LINGO2: variants seen among roughly 807,000 people sequenced by gnomAD.
LINGO2 encodes leucine rich repeat and Ig domain containing 2, also known as leucine-rich repeat and immunoglobulin-like domain-containing nogo receptor-interacting protein 2.
In LINGO2, 14 loss-of-function variants were observed where a neutral mutation model predicts 30.6. The ratio of observed to expected loss-of-function variants is 0.46; its 90% CI spans 0.30 to 0.72. LINGO2 has a LOEUF of 0.72. Ranked by LOEUF, LINGO2 falls within the 30% of genes least tolerant of loss-of-function variation. The pLI is 0.07. For missense variants in LINGO2, 729 were observed against 751.7 expected (o/e 0.97, Z 0.35); for synonymous variants, 317 against 288.5 (o/e 1.10, Z -1.00).
intron 4 of LINGO2, among the ~76,000 whole-genome samples, chr9:28,283,262 A>G (rs1268144991): frequency 1.3e-5 from 2 of 152,220 alleles, no homozygotes; most frequent in Admixed American, 1.3e-4. Context: ...GCCAAGAATT[A>G]TACACGAAGT....
chr9:28,994,894 T>C, the LINGO2 span, among the ~76,000 whole-genome samples: 4 of 152,260 alleles, frequency 2.6e-5, no homozygotes, highest in Middle Eastern at 3.4e-3. Flanking sequence ...ACTTAAACGT[T>C]AGACCTAAAA....
chr9:29,126,835 G>A, the LINGO2 span, among the ~76,000 whole-genome samples: 1 of 152,046 alleles, frequency 6.6e-6, no homozygotes, highest in African/African-American at 2.4e-5. Context: ...TGACTTCCTA[G>A]AACTGAATCA....
chr9:28,848,407 A>ATATATATATATATATATACTGTATATAG, the LINGO2 span, among the ~76,000 whole-genome samples: 1 of 113,462 alleles, frequency 8.8e-6, no homozygotes, highest in Non-Finnish European at 1.8e-5. Context: ...GTATATATAT[A>ATATATATATATATATATACTGTATATAG]TATATATATA....
chr9:28,304,485 C>A lies in LINGO2; in HGVS notation c.-245-9119G>T, dbSNP rs978195065. ...TAAGAAATCAGTATATCCCTGAAACCAACACTTAAATCAGGATATAGAATA... is the reference window on the plus strand; with the variant it reads ...TAAGAAATCAGTATATCCCTGAAACAAACACTTAAATCAGGATATAGAATA... On this transcript the variant is annotated intron_variant, in intron 3 of 5. Transcript: ENST00000379992. Among the ~76,000 whole-genome samples the A allele has an allele frequency of 1.1e-3, 172 of 151,764 alleles. 1 individual carries two copies. The highest frequency in any genetic ancestry group is 4.1e-3 in the African/African-American group (170 of 41,442).
intron 4 of LINGO2, among the ~76,000 whole-genome samples, chr9:28,119,395 G>A (rs1827028402): frequency 6.6e-6 from 1 of 152,152 alleles, no homozygotes; most frequent in African/African-American, 2.4e-5. Flanking sequence ...TAGAACCAGA[G>A]GGCATGGAAT....
chr9:28,887,547 C>A, the LINGO2 span, among the ~76,000 whole-genome samples: 1 of 151,876 alleles, frequency 6.6e-6, no homozygotes, highest in Non-Finnish European at 1.5e-5. Flanking sequence ...TATATGCCAC[C>A]TTATTGCATT....
chr9:29,065,355 T>C, the LINGO2 span, among the ~76,000 whole-genome samples: 142 of 152,290 alleles, frequency 9.3e-4, no homozygotes, highest in African/African-American at 3.2e-3. Flanking sequence ...AGGACCTATG[T>C]CCAGAATGGT....
the LINGO2 span, among the ~76,000 whole-genome samples, chr9:28,969,624 T>C: frequency 6.6e-6 from 1 of 152,192 alleles, no homozygotes; most frequent in East Asian, 1.9e-4. Context: ...TTCATTACCC[T>C]GTTCCTGATA....
rs535257325 is a variant in LINGO2, at chr9:28,339,128, T to C, written c.-246+33708A>G. On this transcript the variant is annotated intron_variant, in intron 3 of 5. Coordinates refer to ENST00000379992, the Ensembl canonical transcript of LINGO2. The stretch of plus-strand genomic sequence containing the variant: ...TATTTACTCTTCAGTCATAACAAAA[T>C]GTCCTTATATGTCCTTTTGCTAACT... Among the ~76,000 whole-genome samples the C allele has an allele frequency of 6.6e-5, 10 of 152,288 alleles. No individual in the cohort carries two copies. The South Asian group carries it at 2.1e-3, about 32-fold the overall frequency.
the LINGO2 span, among the ~76,000 whole-genome samples, chr9:28,684,695 T>G: frequency 6.6e-6 from 1 of 151,714 alleles, no homozygotes; most frequent in Non-Finnish European, 1.5e-5. Context: ...AATTTTGTAT[T>G]TTTAGTAGAG....
chr9:28,296,427 C>A (rs1823924059), intron 3 of LINGO2, among the ~76,000 whole-genome samples: 1 of 152,060 alleles, frequency 6.6e-6, no homozygotes, highest in Non-Finnish European at 1.5e-5. Context: ...TATTCTAAGT[C>A]TGTAGGGGGA....
At chr9:28,792,858 G>T in the LINGO2 span, among the ~76,000 whole-genome samples, 1 of 152,116 alleles carries the variant, frequency 6.6e-6, no homozygotes, top group African/African-American at 2.4e-5. Flanking sequence ...ATAAGCTTCT[G>T]ATAATAAGTT....
the LINGO2 span, among the ~76,000 whole-genome samples, chr9:28,725,570 G>GA: frequency 1.1e-3 from 93 of 85,682 alleles, no homozygotes; most frequent in South Asian, 2.3e-3. Context: ...GGAATAAAAA[G>GA]AAAAAAAAAA....
intron 1 of LINGO2, among the ~76,000 whole-genome samples, chr9:28,502,163 T>C (rs79632107): frequency 2.7e-3 from 178 of 64,796 alleles, no homozygotes; most frequent in Non-Finnish European, 3.8e-3. Context: ...CACACACACA[T>C]ACACACACAC....
chr9:28,969,786 G>T, the LINGO2 span, among the ~76,000 whole-genome samples: 1 of 152,172 alleles, frequency 6.6e-6, no homozygotes, highest in Non-Finnish European at 1.5e-5. Flanking sequence ...TTTTGCCATG[G>T]AGCACCCAAG....
At chr9:28,967,499 G>T in the LINGO2 span, among the ~76,000 whole-genome samples, 1 of 152,104 alleles carries the variant, frequency 6.6e-6, no homozygotes, top group Non-Finnish European at 1.5e-5. Flanking sequence ...ATGACCTGGG[G>T]CATTCCTCCA....
intron 4 of LINGO2, among the ~76,000 whole-genome samples, chr9:28,143,251 G>A (rs1411862925): frequency 1.3e-5 from 2 of 152,142 alleles, no homozygotes; most frequent in Non-Finnish European, 2.9e-5. Flanking sequence ...TAAACAGTCT[G>A]AATTTGCTGC....
At chr9:27,977,738 T>C (rs571290106) in intron 5 of LINGO2, among the ~76,000 whole-genome samples, 1 of 151,154 alleles carries the variant, frequency 6.6e-6, no homozygotes, top group East Asian at 2.0e-4. Context: ...AATATGTCAC[T>C]ACCCAATGCT....
chr9:28,267,932 C>T (rs950817250), intron 4 of LINGO2, among the ~76,000 whole-genome samples: 4 of 151,980 alleles, frequency 2.6e-5, no homozygotes, highest in East Asian at 3.9e-4. Flanking sequence ...GTTTTCTCAT[C>T]GATAAAATGG....
Sources: gnomAD v4.1 joint callset for allele counts (sites outside exome capture counted in the v4.1 genomes callset) on GRCh38, gnomAD v4.1.1 for gene constraint, MANE v1.5 for transcripts, NCBI Gene and HGNC (gene_info 2026-07-23, HGNC 2026-07-21) for gene names.